The following FUBP1 variants were observed in gnomAD, a reference collection of about 807,000 sequenced individuals.
The protein encoded by FUBP1 is far upstream element-binding protein 1.
Under a neutral mutation model 94.9 loss-of-function variants are expected in FUBP1, and 16 were observed. That is an observed-to-expected ratio of 0.17 (90% CI 0.11 to 0.26). The LOEUF is 0.26. FUBP1 is among the 10% of genes least tolerant of loss of function. FUBP1 has a pLI of 1.00. For missense variants in FUBP1, 583 were observed against 808.6 expected (o/e 0.72, Z 3.38); for synonymous variants, 279 against 254.9 (o/e 1.09, Z -0.90).
intron 10 of FUBP1, 131 bp from the exon 11 acceptor site, chr1:77,964,487 ATAG>A (rs1285328451): frequency 7.5e-6 from 5 of 666,002 alleles, no homozygotes; most frequent in Non-Finnish European, 1.0e-5. Flanking sequence ...TTCTATATTT[ATAG>A]TAAATAGGGT....
intron 18 of FUBP1, among the ~76,000 whole-genome samples, chr1:77,952,039 T>TA (rs962468190): frequency 6.6e-6 from 1 of 152,070 alleles, no homozygotes; most frequent in Admixed American, 6.6e-5. Context: ...TTAAGGGTCT[T>TA]AAAAAAATCC....
chr1:77,950,038 T>C (rs1571219162), intron 18 of FUBP1, among the ~76,000 whole-genome samples: 1 of 152,208 alleles, frequency 6.6e-6, no homozygotes, highest in Admixed American at 6.5e-5. Flanking sequence ...TAAAGAAATA[T>C]AGCAATGAAA....
chr1:77,948,275 A>G lies in FUBP1; in HGVS notation c.*491T>C, dbSNP rs1652602527. On this transcript the variant is annotated 3_prime_UTR_variant, in exon 20 of 20. Transcript: ENST00000370768. ...ACCACTATACTGCAAGGGGGGAAAAACATGCCAGTGTTTAAAAACTCAATA... is the reference window on the plus strand; with the variant it reads ...ACCACTATACTGCAAGGGGGGAAAAGCATGCCAGTGTTTAAAAACTCAATA... 1.9e-6 allele frequency: 2 copies of G among 1,055,968 alleles called. No homozygotes were observed. The highest frequency in any genetic ancestry group is 2.3e-6 in the Non-Finnish European group (2 of 872,670). 65.4% of individuals were successfully genotyped at this position (1,055,968 alleles called of 1,614,324 possible).
chr1:77,979,379 G>A (rs1206644256), upstream of FUBP1: 1 of 223,608 alleles, frequency 4.5e-6, no homozygotes, highest in Non-Finnish European at 8.9e-6. Context: ...GAAGCCTGAA[G>A]AAAAGGTTGT....
At chr1:77,978,392 TAG>T (rs1659140096) in intron 1 of FUBP1, among the ~76,000 whole-genome samples, 1 of 152,242 alleles carries the variant, frequency 6.6e-6, no homozygotes, top group Non-Finnish European at 1.5e-5. Flanking sequence ...CCCTTCCTTG[TAG>T]AGGTGTGACG....
intron 18 of FUBP1, among the ~76,000 whole-genome samples, chr1:77,949,928 C>A (rs1369875047): frequency 6.6e-6 from 1 of 152,022 alleles, no homozygotes; most frequent in African/African-American, 2.4e-5. Flanking sequence ...TAAAAGTAAC[C>A]TGACAAGGAA....
Position 77,956,620 on chromosome 1 carries a change from G to A in FUBP1, c.1657C>T (p.Pro553Ser), listed in dbSNP as rs1216742314. 1.2e-6 allele frequency: 2 copies of A among 1,612,104 alleles called. No individual in the cohort carries two copies. Among genetic ancestry groups the A allele is most frequent in the Admixed American group, 1.7e-5 (1 of 60,008 alleles). The part of the protein sequence containing the change: ...HYYQQQAQPP[P>S]AAPAGAPTTT... ...GTTGGTGCACCTGCAGGGGCTGCTG[G>A]TGGTGGCTGTGCTTGCTGTTGATAA... The change falls in exon 17 of 20, where the codon CCA becomes TCA. Residue 553 changes from proline to serine, a missense_variant. Physicochemically the swap from Pro to Ser is moderately conservative, Grantham distance 74. Transcript: ENST00000370768.
Position 77,949,123 on chromosome 1 carries a change from T to G in FUBP1, c.1926+32A>C, listed in dbSNP as rs200862215. The G allele has an allele frequency of 6.9e-6, 11 of 1,587,626 alleles. No homozygotes were observed. In the South Asian group the frequency reaches 8.9e-5, roughly 13 times the overall value. ...TAAACATGCAGAAAACAGACTGGAG[T>G]AGAAATCAACAAATTAGCAATTACA... On this transcript the variant is annotated intron_variant, in intron 19 of 19. Coordinates refer to ENST00000370768, the MANE Select transcript of FUBP1 (RefSeq NM_003902.5).
chr1:77,964,824 C>T (rs745679191), intron 9 of FUBP1, 46 bp downstream of exon 9: 1 of 1,494,770 alleles, frequency 6.7e-7, no homozygotes, highest in Non-Finnish European at 9.3e-7. Flanking sequence ...TTTGCCCAAC[C>T]CCATTCAACC....
At chr1:77,968,919 AT>A in intron 2 of FUBP1, 1 of 407,088 alleles carries the variant, frequency 2.5e-6, no homozygotes, top group South Asian at 1.9e-5. Flanking sequence ...AAAATAAAAT[AT>A]GCGCAGACAC....
At position 77,944,696 on chromosome 1, in the gene FUBP1, T is replaced by C. The variant is rs1042632515; in HGVS notation, c.*4070A>G. On this transcript the variant is annotated 3_prime_UTR_variant, in exon 20 of 20. Transcript: ENST00000370768. ...CAAATAAAATGCTATCACTTCTGAA[T>C]GACTCCCCTTTCCCTCTGAAAGTAC... 2.0e-5 allele frequency among the ~76,000 whole-genome samples: 3 copies of C among 152,086 alleles called. No individual in the cohort carries two copies. In the South Asian group the frequency reaches 6.2e-4, roughly 32 times the overall value.
chr1:77,973,033 A>G (rs922059113), intron 1 of FUBP1, among the ~76,000 whole-genome samples: 1 of 151,772 alleles, frequency 6.6e-6, no homozygotes, highest in African/African-American at 2.4e-5. Context: ...AAAAAACTGA[A>G]AAAACAAAAT....
intron 4 of FUBP1, 130 bp downstream of exon 4, chr1:77,967,497 G>A: frequency 1.5e-6 from 1 of 651,928 alleles, no homozygotes; most frequent in Non-Finnish European, 2.6e-6. Context: ...CCTTCCCAAG[G>A]GGAGTGATAT....
chr1:77,949,385 G>A, intron 18 of FUBP1, 85 bp from the exon 19 acceptor site: 1 of 1,068,254 alleles, frequency 9.4e-7, no homozygotes, highest in East Asian at 2.4e-5. Flanking sequence ...CTTGCTTCTT[G>A]TAATATTTCT....
intron 2 of FUBP1, among the ~76,000 whole-genome samples, chr1:77,969,715 C>A (rs949646698): frequency 9.2e-5 from 14 of 151,946 alleles, no homozygotes; most frequent in Non-Finnish European, 1.6e-4. Flanking sequence ...GACAAAACTT[C>A]CTTTTTTAAA....
chr1:77,962,044 C>A (rs1021065293), intron 14 of FUBP1, among the ~76,000 whole-genome samples: 2 of 152,152 alleles, frequency 1.3e-5, no homozygotes, highest in African/African-American at 2.4e-5. Context: ...CTAGGCAATT[C>A]TAATAATTTA....
At chr1:77,960,965 G>A (rs866239292) in intron 14 of FUBP1, among the ~76,000 whole-genome samples, 2 of 152,058 alleles carry the variant, frequency 1.3e-5, no homozygotes, top group South Asian at 2.1e-4. Context: ...CACTGATAAC[G>A]TTAATAGCTA....
chr1:77,972,594 C>CAAA (rs59360608), intron 1 of FUBP1, among the ~76,000 whole-genome samples: 9 of 122,184 alleles, frequency 7.4e-5, no homozygotes, highest in African/African-American at 2.8e-4. Flanking sequence ...ACTAAAAATA[C>CAAA]AAAAAAAAAA....
At chr1:77,972,544 T>C (rs559103365) in intron 1 of FUBP1, among the ~76,000 whole-genome samples, 2 of 144,978 alleles carry the variant, frequency 1.4e-5, no homozygotes, top group South Asian at 4.4e-4. Flanking sequence ...AGTTCAGGAG[T>C]TCAAGACCAG....
Sources: gnomAD v4.1 joint callset for allele counts (sites outside exome capture counted in the v4.1 genomes callset) on GRCh38, gnomAD v4.1.1 for gene constraint, MANE v1.5 for transcripts, NCBI Gene and HGNC (gene_info 2026-07-23, HGNC 2026-07-21) for gene names.